The following CDC42SE2 variants were observed in gnomAD, a reference collection of about 807,000 sequenced individuals.
CDC42SE2 encodes the protein CDC42 small effector 2.
A neutral mutation model predicts 11.5 loss-of-function variants in CDC42SE2; 3 were observed. The ratio of observed to expected loss-of-function variants is 0.26; its 90% CI spans 0.12 to 0.67. The LOEUF (loss-of-function observed/expected upper bound fraction) is 0.67, where lower values mean the gene tolerates loss of function less well. Among genes scored for constraint, CDC42SE2 ranks in the 30% least tolerant of loss-of-function variants. The pLI is 0.80. For missense variants in CDC42SE2, 82 were observed against 106.8 expected (o/e 0.77, Z 1.02); for synonymous variants, 33 against 34.8 (o/e 0.95, Z 0.18).
At chr5:131,387,331 C>T (rs1446685628) in intron 4 of CDC42SE2, among the ~76,000 whole-genome samples, 1 of 152,144 alleles carries the variant, frequency 6.6e-6, no homozygotes, top group Non-Finnish European at 1.5e-5. Flanking sequence ...GGTGGATCAT[C>T]TGAGCTCAGG....
chr5:131,292,240 C>CAAAAAAA (rs1202956370), intron 1 of CDC42SE2, among the ~76,000 whole-genome samples: 2 of 25,622 alleles, frequency 7.8e-5, no homozygotes, highest in African/African-American at 2.3e-4. Flanking sequence ...TCTGTCTCAC[C>CAAAAAAA]AAAAAAAAAA....
intron 3 of CDC42SE2, among the ~76,000 whole-genome samples, chr5:131,360,783 C>A (rs768665109): frequency 2.0e-5 from 3 of 151,920 alleles, no homozygotes; most frequent in Admixed American, 2.0e-4. Flanking sequence ...TAATTGTACA[C>A]GTAACTCCCA....
chr5:131,318,267 A>G (rs952298981), intron 2 of CDC42SE2, among the ~76,000 whole-genome samples: 1 of 152,152 alleles, frequency 6.6e-6, no homozygotes, highest in Admixed American at 6.5e-5. Flanking sequence ...GAAGATAGAG[A>G]AAGTTGTATG....
intron 2 of CDC42SE2, among the ~76,000 whole-genome samples, chr5:131,351,672 A>G (rs529253002): frequency 2.6e-5 from 4 of 152,242 alleles, no homozygotes; most frequent in African/African-American, 7.2e-5. Context: ...TTATACTGTC[A>G]AAAACTAAAA....
upstream of CDC42SE2, among the ~76,000 whole-genome samples, chr5:131,262,792 ATTG>A (rs1368981752): frequency 2.0e-5 from 3 of 152,126 alleles, no homozygotes; most frequent in Non-Finnish European, 2.9e-5. Context: ...GTATTTTTAA[ATTG>A]TTGTGTTTTT....
rs191539056 is a variant in CDC42SE2, at chr5:131,366,131, C to T, written c.54+6584C>T. Among the ~76,000 whole-genome samples, 3 of 152,276 alleles carry T rather than the reference C, an allele frequency of 2.0e-5. No homozygotes were observed. The East Asian group carries it at 5.8e-4, about 29-fold the overall frequency. On this transcript the variant is annotated intron_variant, in intron 3 of 4. Transcript: ENST00000505065. Reference sequence around the variant, plus strand: ...AGTATACTGGAACTACCTCCCCTGCCTTAGGACTGACTATTGCTATTTTCT... The same window carrying T: ...AGTATACTGGAACTACCTCCCCTGCTTTAGGACTGACTATTGCTATTTTCT...
At chr5:131,386,326 T>C (rs1750485300) in intron 4 of CDC42SE2, among the ~76,000 whole-genome samples, 1 of 152,260 alleles carries the variant, frequency 6.6e-6, no homozygotes. Context: ...TCACCTCCTG[T>C]TGTGCAGCCC....
chr5:131,269,306 C>G (rs900224860), intron 1 of CDC42SE2, among the ~76,000 whole-genome samples: 1 of 152,128 alleles, frequency 6.6e-6, no homozygotes, highest in African/African-American at 2.4e-5. Flanking sequence ...AACATACTCC[C>G]TCTTTTTCCT....
upstream of CDC42SE2, among the ~76,000 whole-genome samples, chr5:131,259,648 A>G (rs1756707119): frequency 6.6e-6 from 1 of 152,250 alleles, no homozygotes; most frequent in Non-Finnish European, 1.5e-5. Flanking sequence ...ACATCTAGTT[A>G]GGAATGATCA....
intron 2 of CDC42SE2, among the ~76,000 whole-genome samples, chr5:131,338,096 C>G (rs1758620164): frequency 6.6e-6 from 1 of 152,152 alleles, no homozygotes; most frequent in Non-Finnish European, 1.5e-5. Flanking sequence ...CATCTTGGCT[C>G]CACCCCCTTC....
At chr5:131,276,281 CAA>C (rs59001427) in intron 1 of CDC42SE2, among the ~76,000 whole-genome samples, 5 of 126,124 alleles carry the variant, frequency 4.0e-5, no homozygotes, top group Admixed American at 8.4e-5. Context: ...ACCCCATCTA[CAA>C]AAAAAAAAAA....
intron 2 of CDC42SE2, among the ~76,000 whole-genome samples, chr5:131,350,147 C>G (rs1237963814): frequency 6.6e-6 from 1 of 151,898 alleles, no homozygotes; most frequent in African/African-American, 2.4e-5. Context: ...ACCTAAGATA[C>G]ATTTCCTTCT....
chr5:131,326,236 C>T (rs1291804703), intron 2 of CDC42SE2, among the ~76,000 whole-genome samples: 1 of 152,036 alleles, frequency 6.6e-6, no homozygotes, highest in Non-Finnish European at 1.5e-5. Context: ...TCCAGAGTAG[C>T]TGGGACTAAG....
In CDC42SE2 at chr5:131,393,630, G is replaced by T. The variant is rs971869720; in HGVS notation, c.*2539G>T. 6.6e-6 allele frequency: 1 copy of T among 152,306 alleles called. No homozygotes were observed. The highest frequency in any genetic ancestry group is 1.5e-5 in the Non-Finnish European group (1 of 68,050). 9.4% of individuals were successfully genotyped at this position (152,306 alleles called of 1,614,324 possible). ...GGACATTGCTATGTGCTGTGTGCAA[G>T]CTCTTTAGAAGAGAGATTGGATTTT... is the stretch of plus-strand genomic sequence containing the variant. On this transcript the variant is annotated 3_prime_UTR_variant, in exon 5 of 5. Transcript: ENST00000505065.
intron 2 of CDC42SE2, among the ~76,000 whole-genome samples, chr5:131,337,208 T>C (rs1212075218): frequency 1.3e-5 from 2 of 152,186 alleles, no homozygotes; most frequent in Non-Finnish European, 2.9e-5. Flanking sequence ...CAACTGCAGG[T>C]CTTTTGGAGT....
chr5:131,322,365 G>T (rs1243949948), intron 2 of CDC42SE2, among the ~76,000 whole-genome samples: 1 of 152,066 alleles, frequency 6.6e-6, no homozygotes, highest in South Asian at 2.1e-4. Flanking sequence ...CATACTTTAT[G>T]ATTCTATGAA....
At chr5:131,387,329 A>G (rs191325947) in intron 4 of CDC42SE2, among the ~76,000 whole-genome samples, 1 of 152,184 alleles carries the variant, frequency 6.6e-6, no homozygotes, top group Admixed American at 6.5e-5. Context: ...CAGGTGGATC[A>G]TCTGAGCTCA....
At chr5:131,377,975 T>G (rs990201184) in intron 3 of CDC42SE2, among the ~76,000 whole-genome samples, 2 of 152,250 alleles carry the variant, frequency 1.3e-5, no homozygotes, top group Non-Finnish European at 2.9e-5. Context: ...CAACAGTCAT[T>G]TATTGTCTAC....
intron 2 of CDC42SE2, among the ~76,000 whole-genome samples, chr5:131,339,318 A>C (rs1758653698): frequency 6.6e-6 from 1 of 151,630 alleles, no homozygotes. Flanking sequence ...CAGGAAAAAC[A>C]GTTTCTATGG....
Sources: gnomAD v4.1 joint callset for allele counts (sites outside exome capture counted in the v4.1 genomes callset) on GRCh38, gnomAD v4.1.1 for gene constraint, MANE v1.5 for transcripts, NCBI Gene and HGNC (gene_info 2026-07-23, HGNC 2026-07-21) for gene names.